SLC24A2: variants seen among roughly 807,000 people sequenced by gnomAD.
The protein encoded by SLC24A2 is solute carrier family 24 member 2.
In SLC24A2, 36 loss-of-function variants were observed where a neutral mutation model predicts 62.0. The observed-to-expected ratio is 0.58, with a 90% CI of 0.44 to 0.77. SLC24A2 has a LOEUF of 0.77. Among genes scored for constraint, SLC24A2 ranks in the 30% least tolerant of loss-of-function variants. The probability of loss-of-function intolerance (pLI) is 0.00; values close to 1 mark genes in which losing one functional copy is unlikely to be tolerated. For synonymous variants in SLC24A2, 358 were observed against 294.0 expected, an observed-to-expected ratio of 1.22 and a Z score of -2.23; for missense variants, 846 against 817.9, an observed-to-expected ratio of 1.03 and a Z score of -0.42.
At chr9:20,100,137 C>A in the SLC24A2 span, among the ~76,000 whole-genome samples, 1 of 152,034 alleles carries the variant, frequency 6.6e-6, no homozygotes, top group Non-Finnish European at 1.5e-5. Context: ...AGCTTCCCTG[C>A]CATAGCTGGG....
the SLC24A2 span, among the ~76,000 whole-genome samples, chr9:19,842,805 T>C: frequency 6.6e-6 from 1 of 152,250 alleles, no homozygotes; most frequent in Admixed American, 6.5e-5. Flanking sequence ...CTAAAATTTC[T>C]GATATCTCTC....
chr9:20,306,967 G>A, the SLC24A2 span, among the ~76,000 whole-genome samples: 45 of 152,084 alleles, frequency 3.0e-4, no homozygotes, highest in African/African-American at 1.0e-3. Flanking sequence ...CAAAGTGCTG[G>A]GATTACAGAT....
chr9:19,850,749 T>C, the SLC24A2 span, among the ~76,000 whole-genome samples: 1 of 151,592 alleles, frequency 6.6e-6, no homozygotes, highest in Admixed American at 6.6e-5. Flanking sequence ...TTCCATTTAA[T>C]GTAATATTAA....
the SLC24A2 span, among the ~76,000 whole-genome samples, chr9:20,087,891 G>A: frequency 6.6e-5 from 10 of 152,060 alleles, no homozygotes; most frequent in Non-Finnish European, 1.3e-4. Context: ...GGATCTAGAG[G>A]AGCGTCCCCT....
the SLC24A2 span, among the ~76,000 whole-genome samples, chr9:20,096,081 ATCCATCCG>A: frequency 4.2e-4 from 59 of 139,706 alleles, no homozygotes; most frequent in African/African-American, 9.5e-4. Flanking sequence ...CCATCCATCC[ATCCATCCG>A]TCCGTCCGTC....
At chr9:20,270,264 C>G in the SLC24A2 span, among the ~76,000 whole-genome samples, 1 of 152,158 alleles carries the variant, frequency 6.6e-6, no homozygotes, top group African/African-American at 2.4e-5. Context: ...TTTCAGCATG[C>G]ATTTTGGTGG....
rs376846875 is a variant in SLC24A2 at position 19,727,143 on chromosome 9, T to C, written c.930+58794A>G. Among the ~76,000 whole-genome samples the C allele has an allele frequency of 2.0e-5, 3 of 152,298 alleles. No individual in the cohort carries two copies. In the East Asian group the frequency reaches 5.8e-4, roughly 29 times the overall value. On this transcript the variant is annotated intron_variant, in intron 2 of 10. Transcript: ENST00000341998. ...AGTTCTGTGTCTGTGGGCTCTACCA[T>C]TCCTAGGTTCTTCCTATCAAGCAAA...
intron 7 of SLC24A2, among the ~76,000 whole-genome samples, chr9:19,563,605 G>A (rs1835506480): frequency 6.6e-6 from 1 of 152,150 alleles, no homozygotes; most frequent in Non-Finnish European, 1.5e-5. Flanking sequence ...TCCAAAGAGG[G>A]TCTAAAATCA....
intron 8 of SLC24A2, among the ~76,000 whole-genome samples, chr9:19,545,592 C>A (rs1194077381): frequency 1.3e-5 from 2 of 151,884 alleles, no homozygotes; most frequent in African/African-American, 4.8e-5. Flanking sequence ...AGTCAGTGAC[C>A]TTCGGATGGG....
the SLC24A2 span, among the ~76,000 whole-genome samples, chr9:20,255,425 G>A: frequency 6.6e-6 from 1 of 152,158 alleles, no homozygotes; most frequent in Non-Finnish European, 1.5e-5. Context: ...TAAAACACCA[G>A]TTCTTAGTTT....
intron 7 of SLC24A2, among the ~76,000 whole-genome samples, chr9:19,551,884 AAAT>A (rs1468543570): frequency 1.3e-5 from 2 of 152,202 alleles, no homozygotes; most frequent in African/African-American, 4.8e-5. Flanking sequence ...TTACAATTTG[AAAT>A]AATAATTTAA....
chr9:19,895,526 T>TTTTC, the SLC24A2 span, among the ~76,000 whole-genome samples: 50,228 of 136,082 alleles, frequency 0.37, 10,570 homozygotes, highest in East Asian at 0.55. Flanking sequence ...TCCCCTGCCC[T>TTTTC]TTTCTTTCTT....
At chr9:19,572,127 G>A (rs1272523145) in intron 7 of SLC24A2, among the ~76,000 whole-genome samples, 2 of 151,210 alleles carry the variant, frequency 1.3e-5, no homozygotes, top group African/African-American at 4.9e-5. Context: ...AAAAAAATTA[G>A]CCGGGTGTGG....
rs1832858180 is a variant in SLC24A2, at chr9:19,514,699, G to A, written c.*1454C>T. Reference sequence around the variant, plus strand: ...GTATAAGGAAGCTGTCAAATACCGTGTACTCTAAAACTTAGACAGAATCCC... The same window carrying A: ...GTATAAGGAAGCTGTCAAATACCGTATACTCTAAAACTTAGACAGAATCCC... On this transcript the variant is annotated 3_prime_UTR_variant, in exon 11 of 11. Transcript: ENST00000341998. 2.0e-5 allele frequency: 3 copies of A among 152,146 alleles called. No individual in the cohort carries two copies. The South Asian group carries it at 6.2e-4, about 31-fold the overall frequency. 9.4% of individuals were successfully genotyped at this position (152,146 alleles called of 1,614,324 possible).
chr9:19,550,551 A>G (rs1834793427), intron 7 of SLC24A2, among the ~76,000 whole-genome samples: 1 of 152,192 alleles, frequency 6.6e-6, no homozygotes. Context: ...GTGGGCTACA[A>G]CTACAATTCA....
the SLC24A2 span, among the ~76,000 whole-genome samples, chr9:20,115,929 G>T: frequency 6.6e-6 from 1 of 152,122 alleles, no homozygotes; most frequent in Non-Finnish European, 1.5e-5. Flanking sequence ...AAATCCCAAG[G>T]CAAGAGATTT....
chr9:20,107,043 T>A, the SLC24A2 span, among the ~76,000 whole-genome samples: 2 of 152,200 alleles, frequency 1.3e-5, no homozygotes, highest in Non-Finnish European at 2.9e-5. Flanking sequence ...CAAGGATTCT[T>A]ATACACCAAT....
intron 7 of SLC24A2, 43 bp downstream of exon 7, chr9:19,573,308 G>C: frequency 7.5e-7 from 1 of 1,333,218 alleles, no homozygotes; most frequent in South Asian, 1.2e-5. Flanking sequence ...TAGGATATCA[G>C]TTAAGAACAA....
the SLC24A2 span, among the ~76,000 whole-genome samples, chr9:20,175,169 G>T: frequency 6.6e-6 from 1 of 151,914 alleles, no homozygotes; most frequent in African/African-American, 2.4e-5. Flanking sequence ...TCACTCGTAA[G>T]TGGGAGCTAA....
Sources: allele counts gnomAD v4.1 joint callset (sites outside exome capture counted in the v4.1 genomes callset), GRCh38; gene constraint gnomAD v4.1.1; transcripts MANE v1.5; gene names NCBI Gene and HGNC (gene_info 2026-07-23, HGNC 2026-07-21).